EIF3B: variants seen among roughly 807,000 people sequenced by gnomAD.
EIF3B encodes the protein eukaryotic translation initiation factor 3 subunit B.
In EIF3B, 10 loss-of-function variants were observed where a neutral mutation model predicts 104.6. The observed-to-expected ratio is 0.10, with a 90% CI of 0.06 to 0.16. The LOEUF (loss-of-function observed/expected upper bound fraction) is 0.16. EIF3B is among the 10% of genes least tolerant of loss of function. EIF3B has a pLI of 1.00. For missense variants in EIF3B, 1,014 were observed against 1,087.9 expected (o/e 0.93, Z 0.96); for synonymous variants, 542 against 417.2 (o/e 1.30, Z -3.65).
chr7:2,357,627 TTAAC>T (rs1367210108), intron 1 of EIF3B, among the ~76,000 whole-genome samples: 3 of 152,252 alleles, frequency 2.0e-5, no homozygotes, highest in Non-Finnish European at 2.9e-5. Flanking sequence ...TTTTGGCTCA[TTAAC>T]TATTCTTTCT....
chr7:2,370,728 T>G (rs577602685), intron 10 of EIF3B, among the ~76,000 whole-genome samples: 1 of 152,090 alleles, frequency 6.6e-6, no homozygotes, highest in East Asian at 1.9e-4. Flanking sequence ...GCTAGGAGTT[T>G]CAGACCAGCC....
Position 2,355,427 on chromosome 7 carries a change from G to A in EIF3B, c.499+7G>A. On this transcript the variant is annotated splice_region_variant and intron_variant, in intron 1 of 18. Coordinates refer to ENST00000360876, the MANE Select transcript of EIF3B (RefSeq NM_001037283.2). Reference sequence around the variant, plus strand: ...GACGACGTGAGCGAGGAAGGTGAGGGCGCCCGGGGCGGGGCTGGCGAGCGG... The same window carrying A: ...GACGACGTGAGCGAGGAAGGTGAGGACGCCCGGGGCGGGGCTGGCGAGCGG... 7.0e-7 allele frequency: 1 copy of A among 1,435,956 alleles called. No homozygotes were observed. The highest frequency in any genetic ancestry group is 1.5e-5 in the African/African-American group (1 of 67,944). 89.0% of individuals were successfully genotyped at this position (1,435,956 alleles called of 1,614,324 possible).
At chr7:2,365,615 ACCTGTGCTGG>A (rs1779966642) in intron 6 of EIF3B, among the ~76,000 whole-genome samples, 1 of 149,688 alleles carries the variant, frequency 6.7e-6, no homozygotes, top group South Asian at 2.1e-4. Flanking sequence ...TTTCTATCAG[ACCTGTGCTGG>A]CTTTCGAACT....
chr7:2,366,117 GAGC>G (rs1327814762), intron 6 of EIF3B, among the ~76,000 whole-genome samples, 197 bp from the exon 7 acceptor site: 26 of 152,250 alleles, frequency 1.7e-4, no homozygotes, highest in African/African-American at 6.0e-4. Context: ...GGAGAAACCG[GAGC>G]GCCTGCAGCG....
intron 8 of EIF3B, 110 bp from the exon 9 acceptor site, chr7:2,366,889 C>A: frequency 8.4e-7 from 1 of 1,187,834 alleles, no homozygotes; most frequent in Non-Finnish European, 1.2e-6. Flanking sequence ...GTGCACTGCC[C>A]CCTAGGCAAA....
intron 14 of EIF3B, chr7:2,376,375 T>C (rs1047284791): frequency 6.8e-6 from 1 of 147,496 alleles, no homozygotes; most frequent in Non-Finnish European, 1.5e-5. Context: ...TGTTGACCAC[T>C]CTCCTTGAGT....
At chr7:2,375,599 G>C in intron 14 of EIF3B, 72 bp downstream of exon 14, 1 of 1,604,152 alleles carries the variant, frequency 6.2e-7, no homozygotes, top group Non-Finnish European at 8.5e-7. Flanking sequence ...TGACTCTGGT[G>C]CTGTCCTGGG....
In EIF3B at chr7:2,366,021, G is replaced by A. The variant is rs112594036; in HGVS notation, c.1158-296G>A. On this transcript the variant is annotated intron_variant, in intron 6 of 18. Coordinates refer to ENST00000360876, the MANE Select transcript of EIF3B (RefSeq NM_001037283.2). ...AACTTGTTAGTCTTTATTAAACATG[G>A]GTAAAGATAGAGTTCCACACTGCGC... Among the ~76,000 whole-genome samples the A allele has an allele frequency of 9.5e-3, 1,451 of 152,168 alleles. 21 individuals are homozygous for A. Among genetic ancestry groups the A allele is most frequent in the African/African-American group, 0.028 (1,178 of 41,514 alleles).
chr7:2,355,623 C>T (rs978338320), intron 1 of EIF3B, among the ~76,000 whole-genome samples: 10 of 151,760 alleles, frequency 6.6e-5, no homozygotes, highest in Non-Finnish European at 1.3e-4. Flanking sequence ...CTTTTCTTTC[C>T]TGAAAAAGGG....
In EIF3B at chr7:2,355,211, C is replaced by T. The variant is rs538046913; in HGVS notation, c.290C>T (p.Ala97Val). ...GCCGAGGAGCTGCCCGGGTCGCATG[C>T]TGAGCCCCCTGTCCCGGCACAGGGC... ...PAAEELPGSH[A>V]EPPVPAQGEA... The change falls in exon 1 of 19, where the codon GCT (alanine) becomes GTT (valine). Residue 97 changes from alanine (A) to valine (V), a missense_variant. Ala to Val is a moderately conservative substitution (Grantham distance 64). Coordinates refer to ENST00000360876, the MANE Select transcript of EIF3B (RefSeq NM_001037283.2). 3.6e-5 allele frequency: 54 copies of T among 1,491,476 alleles called. No homozygotes were observed. The South Asian group carries it at 6.3e-4, about 17-fold the overall frequency. 92.4% of individuals were successfully genotyped at this position (1,491,476 alleles called of 1,614,324 possible). A position where few individuals can be genotyped will look rare whatever the true frequency, so the allele number is the denominator to read the frequency against.
rs377299822 is a variant in EIF3B at position 2,380,262 on chromosome 7, C to T, written c.*73C>T. 3.5e-5 allele frequency: 17 copies of T among 490,746 alleles called. No homozygotes were observed. The highest frequency in any genetic ancestry group is 1.8e-4 in the South Asian group (12 of 67,362). The allele number at this position is 490,746 out of a possible 1,614,324, so 30.4% of individuals were successfully genotyped here. The stretch of plus-strand genomic sequence containing the variant: ...CTACAGGACTCCCGAGTGTGAGCCG[C>T]GGTTCCTCTGTTGCAGCGCAGCCGT... On this transcript the variant is annotated 3_prime_UTR_variant, in exon 19 of 19. Transcript: ENST00000360876.
At chr7:2,378,600 G>T in intron 15 of EIF3B, 89 bp from the exon 16 acceptor site, 1 of 1,145,572 alleles carries the variant, frequency 8.7e-7, no homozygotes, top group South Asian at 1.3e-5. Context: ...AATGGCTTTG[G>T]GTGTCATGTC....
intron 18 of EIF3B, 30 bp downstream of exon 18, chr7:2,379,541 T>C (rs773734166): frequency 3.6e-6 from 5 of 1,376,570 alleles, no homozygotes; most frequent in Non-Finnish European, 5.1e-6. Context: ...GCGATGGGGG[T>C]CCTGTTGGCT....
At chr7:2,367,828 T>A (rs916182865) in intron 9 of EIF3B, among the ~76,000 whole-genome samples, 900 of 15,568 alleles carry the variant, frequency 0.058, 4 homozygotes, top group Non-Finnish European at 0.096. Context: ...TTTTAAAATT[T>A]TTTTTTTTTT....
rs192877032 is a variant in EIF3B at position 2,356,565 on chromosome 7, T to A, written c.499+1145T>A. Among the ~76,000 whole-genome samples the A allele has an allele frequency of 6.6e-3, 967 of 145,472 alleles. 9 individuals carry two copies. Among genetic ancestry groups the A allele is most frequent in the African/African-American group, 0.024 (930 of 39,020 alleles). On this transcript the variant is annotated intron_variant, in intron 1 of 18. Coordinates refer to ENST00000360876, the MANE Select transcript of EIF3B (RefSeq NM_001037283.2). ...TTGCAGTGAGCCGAGATCCTGCCAC[T>A]GCACTCCATCCTGGGCGACAGAGCA...
chr7:2,361,037 C>T (rs1210278480), intron 2 of EIF3B, 135 bp downstream of exon 2: 1 of 623,338 alleles, frequency 1.6e-6, no homozygotes, highest in Non-Finnish European at 2.7e-6. Flanking sequence ...AGGCCGCCCT[C>T]AGCTGGAAGC....
chr7:2,371,230 C>T (rs889704176), intron 10 of EIF3B, among the ~76,000 whole-genome samples: 1 of 152,338 alleles, frequency 6.6e-6, no homozygotes, highest in Middle Eastern at 3.4e-3. Flanking sequence ...ACCTCCTTCA[C>T]GGAGCACAGC....
At chr7:2,372,982 G>C (rs1780440733) in intron 12 of EIF3B, 187 bp downstream of exon 12, 2 of 488,932 alleles carry the variant, frequency 4.1e-6, no homozygotes, top group Non-Finnish European at 6.8e-6. Flanking sequence ...TCCTTGCAGG[G>C]TGTCTCTCTG....
At chr7:2,376,826 C>A in intron 14 of EIF3B, 124 bp from the exon 15 acceptor site, 1 of 1,383,452 alleles carries the variant, frequency 7.2e-7, no homozygotes. Flanking sequence ...CAGCTCAGCA[C>A]AGGCAGAGCT....
Sources: gnomAD v4.1 joint callset for allele counts (sites outside exome capture counted in the v4.1 genomes callset) on GRCh38, gnomAD v4.1.1 for gene constraint, MANE v1.5 for transcripts, NCBI Gene and HGNC (gene_info 2026-07-23, HGNC 2026-07-21) for gene names.